The following FDFT1 variants were observed in gnomAD, a reference collection of about 807,000 sequenced individuals.
FDFT1 encodes the protein farnesyl-diphosphate farnesyltransferase 1.
FDFT1 carries 68 observed loss-of-function variants against 46.8 expected under a neutral mutation model. The ratio of observed to expected loss-of-function variants is 1.45; its 90% CI spans 1.19 to 1.78. FDFT1 has a LOEUF of 1.78. FDFT1 is among the 40% of genes most tolerant of loss of function. The pLI is 0.00. For missense variants in FDFT1, 928 were observed against 524.4 expected, an observed-to-expected ratio of 1.77 and a Z score of -7.52; for synonymous variants, 351 against 185.1, an observed-to-expected ratio of 1.90 and a Z score of -7.28.
At chr8:11,798,297 T>G (rs1431950624), upstream of FDFT1, 3 of 152,224 alleles carry the variant, frequency 2.0e-5, no homozygotes, top group Non-Finnish European at 2.9e-5. Context: ...TGACCTCAAG[T>G]GATCCGCCTG....
At chr8:11,812,567 C>T (rs1417078657) in intron 3 of FDFT1, among the ~76,000 whole-genome samples, 1 of 152,202 alleles carries the variant, frequency 6.6e-6, no homozygotes, top group Non-Finnish European at 1.5e-5. Context: ...TAAATTCAAA[C>T]CTGAATCAAC....
intron 7 of FDFT1, among the ~76,000 whole-genome samples, chr8:11,832,763 A>T (rs1041653606): frequency 6.6e-6 from 1 of 151,936 alleles, no homozygotes; most frequent in African/African-American, 2.4e-5. Flanking sequence ...GCCCAGGATG[A>T]TGCTGTGATC....
intron 3 of FDFT1, among the ~76,000 whole-genome samples, chr8:11,813,963 A>AT (rs1282038424): frequency 2.0e-5 from 3 of 152,132 alleles, no homozygotes; most frequent in Non-Finnish European, 4.4e-5. Flanking sequence ...TCTCCTGTAT[A>AT]TTTTTGTTTT....
chr8:11,838,802 C>G lies in FDFT1; in HGVS notation c.*193C>G. 1.7e-6 allele frequency: 1 copy of G among 592,972 alleles called. No homozygotes were observed. The highest frequency in any genetic ancestry group is 3.0e-6 in the Non-Finnish European group (1 of 331,790). The allele number at this position is 592,972 out of a possible 1,614,324, so 36.7% of individuals were successfully genotyped here. A position where few individuals can be genotyped will look rare whatever the true frequency, so the allele number is the denominator to read the frequency against. ...CATGAAAGGAAAGGGTGCCTCATCC[C>G]AGCAACCTGTCCTTGTGGGTGATGA... On this transcript the variant is annotated 3_prime_UTR_variant, in exon 8 of 8. Coordinates refer to ENST00000220584, the MANE Select transcript of FDFT1 (RefSeq NM_004462.5).
chr8:11,812,953 A>C (rs1294595882), intron 3 of FDFT1, among the ~76,000 whole-genome samples: 1 of 152,230 alleles, frequency 6.6e-6, no homozygotes, highest in Non-Finnish European at 1.5e-5. Context: ...TGATTTCATC[A>C]TTCTGTGAAC....
intron 6 of FDFT1, 72 bp from the exon 7 acceptor site, chr8:11,831,446 C>T: frequency 2.8e-6 from 4 of 1,425,968 alleles, no homozygotes; most frequent in Non-Finnish European, 3.9e-6. Context: ...AGAAGGTTTT[C>T]TTACCTTTTT....
chr8:11,826,186 C>G lies in FDFT1; in HGVS notation c.673C>G (p.Gln225Glu), dbSNP rs1809961392. 6.3e-7 allele frequency: 1 copy of G among 1,578,976 alleles called. No homozygotes were observed. The highest frequency in any genetic ancestry group is 2.3e-5 in the East Asian group (1 of 44,172). Residue 225 changes from glutamine to glutamate, a missense_variant, in exon 5 of 8, where the codon CAA (glutamine) becomes GAA (glutamate). Gln to Glu is a conservative substitution (Grantham distance 29). Coordinates refer to ENST00000220584, the MANE Select transcript of FDFT1 (RefSeq NM_004462.5). ...NIIRDYLEDQ[Q>E]GGREFWPQEV... is the part of the protein sequence containing the mutation. ...CATCCGTGACTATCTGGAAGACCAGCAAGGAGGAAGAGAGTTCTGGCCTCA... is the reference window on the plus strand; with the variant it reads ...CATCCGTGACTATCTGGAAGACCAGGAAGGAGGAAGAGAGTTCTGGCCTCA...
chr8:11,799,262 C>T (rs900825231), upstream of FDFT1, among the ~76,000 whole-genome samples: 43 of 152,348 alleles, frequency 2.8e-4, no homozygotes, highest in African/African-American at 1.0e-3. Flanking sequence ...TTACTGAGAT[C>T]AATCTCTTGA....
At chr8:11,830,454 G>A (rs1810623133) in intron 6 of FDFT1, 34 bp downstream of exon 6, 1 of 1,488,266 alleles carries the variant, frequency 6.7e-7, no homozygotes. Context: ...TGGATACGGG[G>A]CTAAAGGGAG....
At position 11,819,791 on chromosome 8, in the gene FDFT1, G is replaced by T. The variant is rs185358354; in HGVS notation, c.382-1959G>T. Among the ~76,000 whole-genome samples the T allele has an allele frequency of 2.0e-5, 3 of 152,026 alleles. No individual in the cohort carries two copies. The South Asian group carries it at 6.2e-4, about 32-fold the overall frequency. On this transcript the variant is annotated intron_variant, in intron 3 of 7. Coordinates refer to ENST00000220584, the MANE Select transcript of FDFT1 (RefSeq NM_004462.5). ...AAGTTTCCTTGCGATCGGTCAGAAC[G>T]TGCTGCTTTAGCTTGGAGAAGTTTG...
intron 2 of FDFT1, 59 bp from the exon 3 acceptor site, chr8:11,809,607 TA>T (rs1365756434): frequency 6.7e-7 from 1 of 1,496,710 alleles, no homozygotes; most frequent in Non-Finnish European, 9.0e-7. Context: ...CAAGTTATTT[TA>T]AAATAAAAAA....
At chr8:11,805,198 G>A (rs1806674256) in intron 1 of FDFT1, among the ~76,000 whole-genome samples, 1 of 152,184 alleles carries the variant, frequency 6.6e-6, no homozygotes, top group Non-Finnish European at 1.5e-5. Flanking sequence ...TTACAGGTGT[G>A]AGCCACTGCA....
At chr8:11,812,261 A>G (rs922017492) in intron 3 of FDFT1, among the ~76,000 whole-genome samples, 1 of 152,206 alleles carries the variant, frequency 6.6e-6, no homozygotes, top group Non-Finnish European at 1.5e-5. Flanking sequence ...CCCTGAGCCC[A>G]CGTCTGCGTC....
chr8:11,820,191 C>A (rs998080736), intron 3 of FDFT1, among the ~76,000 whole-genome samples: 8 of 152,064 alleles, frequency 5.3e-5, no homozygotes, highest in East Asian at 1.9e-4. Context: ...CAGCAAATAT[C>A]GCGGCCTGAT....
chr8:11,824,241 T>C (rs1809656255), intron 4 of FDFT1, among the ~76,000 whole-genome samples: 1 of 152,180 alleles, frequency 6.6e-6, no homozygotes, highest in African/African-American at 2.4e-5. Flanking sequence ...AGACAATTAT[T>C]GTATGTGGAT....
At chr8:11,810,148 GA>G (rs1240432399) in intron 3 of FDFT1, among the ~76,000 whole-genome samples, 4 of 152,196 alleles carry the variant, frequency 2.6e-5, no homozygotes, top group Non-Finnish European at 5.9e-5. Context: ...AGGATTCAAA[GA>G]ATTAACGTAG....
At chr8:11,823,501 A>G (rs919618980) in intron 4 of FDFT1, among the ~76,000 whole-genome samples, 4 of 152,098 alleles carry the variant, frequency 2.6e-5, no homozygotes, top group African/African-American at 9.7e-5. Flanking sequence ...CCCAGAACAA[A>G]TTTCAAGTGC....
At chr8:11,828,279 A>T (rs970232251) in intron 5 of FDFT1, among the ~76,000 whole-genome samples, 6 of 151,550 alleles carry the variant, frequency 4.0e-5, no homozygotes, top group Non-Finnish European at 8.9e-5. Context: ...AGACAGAGCA[A>T]AACCCTTGTC....
At chr8:11,803,050 G>T in intron 1 of FDFT1, 119 bp downstream of exon 1, 1 of 1,465,326 alleles carries the variant, frequency 6.8e-7, no homozygotes. Flanking sequence ...GCCGACGCCT[G>T]GGTGTTCCCG....
Sources: gnomAD v4.1 joint callset for allele counts (sites outside exome capture counted in the v4.1 genomes callset) on GRCh38, gnomAD v4.1.1 for gene constraint, MANE v1.5 for transcripts, NCBI Gene and HGNC (gene_info 2026-07-23, HGNC 2026-07-21) for gene names.